Variants in SLC2A14 observed in about 807,000 individuals in gnomAD.
The protein encoded by SLC2A14 is solute carrier family 2, facilitated glucose transporter member 14.
A neutral mutation model predicts 43.0 loss-of-function variants in SLC2A14; 13 were observed. The ratio of observed to expected loss-of-function variants is 0.30; its 90% CI spans 0.20 to 0.48. The LOEUF is 0.48. Ranked by LOEUF, SLC2A14 falls within the 20% of genes least tolerant of loss-of-function variation. The pLI is 0.99. For missense variants in SLC2A14, 428 were observed against 620.4 expected, an observed-to-expected ratio of 0.69 and a Z score of 3.29; for synonymous variants, 190 against 233.8, an observed-to-expected ratio of 0.81 and a Z score of 1.71.
intron 2 of SLC2A14, among the ~76,000 whole-genome samples, chr12:7,840,810 G>T (rs1279744368): frequency 2.0e-5 from 3 of 152,274 alleles, no homozygotes; most frequent in Non-Finnish European, 2.9e-5. Context: ...TCTAGACGTT[G>T]AGCACAAAAG....
At chr12:7,866,072 C>G (rs1439545404) in intron 2 of SLC2A14, among the ~76,000 whole-genome samples, 1 of 151,690 alleles carries the variant, frequency 6.6e-6, no homozygotes, top group African/African-American at 2.4e-5. Flanking sequence ...CAAAAATTAG[C>G]CAGGCATGGT....
chr12:7,881,873 T>G (rs2121108586), intron 1 of SLC2A14, among the ~76,000 whole-genome samples: 1 of 152,262 alleles, frequency 6.6e-6, no homozygotes, highest in South Asian at 2.1e-4. Flanking sequence ...GGTTTGTGAA[T>G]GCATCAATTG....
intron 2 of SLC2A14, among the ~76,000 whole-genome samples, chr12:7,834,700 G>A (rs1399931503): frequency 6.9e-6 from 1 of 145,980 alleles, no homozygotes; most frequent in Non-Finnish European, 1.5e-5. Flanking sequence ...GGGCAACAGA[G>A]TGAGACCCTG....
intron 2 of SLC2A14, among the ~76,000 whole-genome samples, chr12:7,859,259 G>A (rs745850434): frequency 1.4e-4 from 22 of 152,074 alleles, no homozygotes; most frequent in Middle Eastern, 3.4e-3. Context: ...GCGTAGTGGC[G>A]CATGCCTGTA....
intron 4 of SLC2A14, among the ~76,000 whole-genome samples, 153 bp from the exon 5 acceptor site, chr12:7,830,159 T>C (rs1592183218): frequency 1.2e-3 from 1 of 840 alleles, no homozygotes; most frequent in Non-Finnish European, 0.014. Flanking sequence ...TTTTCTTTCT[T>C]TTTTTTTTTT....
At chr12:7,882,697 C>T (rs1332138947) in intron 1 of SLC2A14, among the ~76,000 whole-genome samples, 3 of 151,928 alleles carry the variant, frequency 2.0e-5, no homozygotes, top group Non-Finnish European at 2.9e-5. Flanking sequence ...GTTAGTCCAG[C>T]ATAGTGGCGC....
chr12:7,852,662 C>G (rs1867031920), intron 2 of SLC2A14, among the ~76,000 whole-genome samples: 1 of 152,062 alleles, frequency 6.6e-6, no homozygotes, highest in South Asian at 2.1e-4. Context: ...AATATGTAAT[C>G]CCTTTCTTGT....
At chr12:7,856,466 G>A (rs1867389976) in intron 2 of SLC2A14, 1 of 152,148 alleles carries the variant, frequency 6.6e-6, no homozygotes, top group South Asian at 2.1e-4. Context: ...GCAAGATCCT[G>A]TCTCAAAAAC....
chr12:7,888,362 G>A (rs1007749681), intron 1 of SLC2A14, among the ~76,000 whole-genome samples: 5 of 152,102 alleles, frequency 3.3e-5, no homozygotes, highest in African/African-American at 9.7e-5. Context: ...ACACTCTGCT[G>A]GTTCACCAAG....
At chr12:7,863,982 AT>A (rs1015737524) in intron 2 of SLC2A14, among the ~76,000 whole-genome samples, 3 of 151,514 alleles carry the variant, frequency 2.0e-5, no homozygotes, top group Non-Finnish European at 4.4e-5. Context: ...TGCCTGGCTA[AT>A]TTTTTGTGTT....
At chr12:7,862,663 A>C (rs1211158727) in intron 2 of SLC2A14, among the ~76,000 whole-genome samples, 1 of 152,134 alleles carries the variant, frequency 6.6e-6, no homozygotes, top group Non-Finnish European at 1.5e-5. Context: ...TCTGGTGGGC[A>C]CTTGGAGAAC....
intron 2 of SLC2A14, among the ~76,000 whole-genome samples, chr12:7,851,579 C>T (rs1866941328): frequency 6.6e-6 from 1 of 152,082 alleles, no homozygotes; most frequent in Non-Finnish European, 1.5e-5. Context: ...TTACTGTCCT[C>T]TATCTTTAAA....
intron 2 of SLC2A14, among the ~76,000 whole-genome samples, chr12:7,852,345 A>G (rs1164678597): frequency 6.6e-6 from 1 of 152,160 alleles, no homozygotes; most frequent in Non-Finnish European, 1.5e-5. Flanking sequence ...TGACAGAAAA[A>G]TGTAAACTTT....
At chr12:7,871,210 C>T in intron 1 of SLC2A14, 1 of 1,252,674 alleles carries the variant, frequency 8.0e-7, no homozygotes, top group Non-Finnish European at 1.0e-6. Flanking sequence ...AGGTTTCATT[C>T]ATGAGGACCA....
rs537238192 is a variant in SLC2A14, at chr12:7,884,694, T to C, written c.132+6302A>G. On this transcript the variant is annotated intron_variant, in intron 1 of 9. Coordinates refer to the SLC2A14 transcript ENST00000539924. ...TGCCCACATGTTCTTCCTCCTTCTC[T>C]AACACCTACTGAGAAATTGAGAAGG... 2.1e-4 allele frequency among the ~76,000 whole-genome samples: 32 copies of C among 152,250 alleles called. No individual in the cohort carries two copies. In the South Asian group the frequency reaches 6.4e-3, roughly 31 times the overall value.
intron 1 of SLC2A14, among the ~76,000 whole-genome samples, chr12:7,886,188 A>C (rs1173256537): frequency 1.2e-5 from 1 of 81,320 alleles, no homozygotes; most frequent in African/African-American, 3.9e-5. Flanking sequence ...TTTTGAGACA[A>C]GGTCAGGCTG....
intron 2 of SLC2A14, among the ~76,000 whole-genome samples, chr12:7,846,945 A>C (rs894761893): frequency 1.3e-5 from 2 of 151,298 alleles, no homozygotes; most frequent in Non-Finnish European, 1.5e-5. Flanking sequence ...AATATTCATA[A>C]ATTTTAAAAG....
At chr12:7,872,779 G>C in intron 1 of SLC2A14, 28 bp downstream of exon 1, 4 of 985,402 alleles carry the variant, frequency 4.1e-6, no homozygotes, top group Non-Finnish European at 4.8e-6. Context: ...CGCACCCCCC[G>C]GCCGCAGGGA....
chr12:7,826,897 CTTT>C, intron 7 of SLC2A14, among the ~76,000 whole-genome samples: 1 of 64,082 alleles, frequency 1.6e-5, no homozygotes, highest in African/African-American at 8.4e-5. Flanking sequence ...TTCTTTCTTT[CTTT>C]CTTTCTTTCT....
Sources: allele counts gnomAD v4.1 joint callset (sites outside exome capture counted in the v4.1 genomes callset), GRCh38; gene constraint gnomAD v4.1.1; transcripts MANE v1.5; gene names NCBI Gene and HGNC (gene_info 2026-07-23, HGNC 2026-07-21).